Variants in NAV2 observed in about 807,000 individuals in gnomAD.
The protein encoded by NAV2 is helicase, APC down-regulated 1.
A neutral mutation model predicts 223.2 loss-of-function variants in NAV2; 54 were observed. That is an observed-to-expected ratio of 0.24 (90% CI 0.19 to 0.30). The LOEUF (loss-of-function observed/expected upper bound fraction) is 0.30. Among genes scored for constraint, NAV2 ranks in the 10% least tolerant of loss-of-function variants. NAV2 has a pLI of 1.00. For synonymous variants in NAV2, 1,279 were observed against 1,239.3 expected (o/e 1.03, Z -0.67); for missense variants, 2,806 against 3,147.5 (o/e 0.89, Z 2.60).
chr11:19,878,353 C>T (rs2062986349), intron 4 of NAV2, among the ~76,000 whole-genome samples: 1 of 152,204 alleles, frequency 6.6e-6, no homozygotes, highest in African/African-American at 2.4e-5. Context: ...TGAAGGACTT[C>T]ACTGTTTAAA....
At chr11:19,964,257 C>G (rs898057806) in intron 10 of NAV2, among the ~76,000 whole-genome samples, 7 of 152,130 alleles carry the variant, frequency 4.6e-5, no homozygotes, top group Non-Finnish European at 7.3e-5. Context: ...ACGGACGTTA[C>G]AGTTGACTAA....
chr11:20,116,498 C>T (rs925637016), intron 37 of NAV2, among the ~76,000 whole-genome samples: 11 of 152,216 alleles, frequency 7.2e-5, no homozygotes, highest in African/African-American at 2.7e-4. Context: ...AAGCCAAAGT[C>T]ACGGAGGTAT....
chr11:20,018,197 T>C (rs143178786), intron 11 of NAV2, among the ~76,000 whole-genome samples: 8 of 151,746 alleles, frequency 5.3e-5, no homozygotes, highest in Non-Finnish European at 1.0e-4. Flanking sequence ...CTACTAAAAA[T>C]ACAAAAATTA....
chr11:19,719,368 C>T (rs956108768), intron 1 of NAV2, among the ~76,000 whole-genome samples: 1 of 152,128 alleles, frequency 6.6e-6, no homozygotes, highest in Non-Finnish European at 1.5e-5. Context: ...CACTTGGAGG[C>T]AGTTTTACGT....
At chr11:19,630,498 A>C (rs1281357513) in intron 1 of NAV2, among the ~76,000 whole-genome samples, 2 of 152,212 alleles carry the variant, frequency 1.3e-5, no homozygotes, top group African/African-American at 4.8e-5. Context: ...AAGGGAAAGA[A>C]GACAATTGTT....
chr11:19,630,544 C>A (rs776267528), intron 1 of NAV2, among the ~76,000 whole-genome samples: 47 of 152,100 alleles, frequency 3.1e-4, no homozygotes, highest in Admixed American at 5.2e-4. Context: ...CAGATTGCTC[C>A]TTCTTGCTCT....
intron 1 of NAV2, among the ~76,000 whole-genome samples, chr11:19,490,321 A>G (rs1271333790): frequency 6.6e-6 from 1 of 152,204 alleles, no homozygotes. Context: ...ATTTCTCTGT[A>G]GCATGTGATG....
intron 1 of NAV2, among the ~76,000 whole-genome samples, chr11:19,658,804 G>C (rs2048195062): frequency 6.6e-6 from 1 of 152,122 alleles, no homozygotes; most frequent in South Asian, 2.1e-4. Flanking sequence ...TACAAAGCAG[G>C]GGTTATTTTT....
In NAV2 at chr11:20,103,246, C is replaced by T. The variant is rs1295440248; in HGVS notation, c.6418-9C>T. ...ACTTGTTCTCCTTCGGCCTTCCTGG[C>T]CACCATAGGAATTGCGCCAGTACCT... On this transcript the variant is annotated splice_polypyrimidine_tract_variant and intron_variant, in intron 32 of 37. Coordinates refer to ENST00000349880, the MANE Select transcript of NAV2 (RefSeq NM_145117.5). 8.7e-6 allele frequency: 14 copies of T among 1,607,942 alleles called. No individual in the cohort carries two copies. The highest frequency in any genetic ancestry group is 1.7e-4 in the Middle Eastern group (1 of 6,028).
rs186786395 is a variant in NAV2, at chr11:19,637,501, G to T, written c.76-194983G>T. ...CAGTCCATTCTTGCATTGCTATAAA[G>T]AAATAACTGAGGCTGGCTAATTTAT... On this transcript the variant is annotated intron_variant, in intron 1 of 37. Transcript: ENST00000360655. Among the ~76,000 whole-genome samples the T allele has an allele frequency of 2.0e-5, 3 of 152,332 alleles. No individual in the cohort carries two copies. In the East Asian group the frequency reaches 5.8e-4, roughly 29 times the overall value.
At chr11:19,869,071 T>A in intron 4 of NAV2, 74 bp downstream of exon 4, 2 of 1,381,974 alleles carry the variant, frequency 1.4e-6, no homozygotes, top group Non-Finnish European at 2.0e-6. Flanking sequence ...TGAATGATAT[T>A]AACACCATTA....
chr11:19,887,506 G>T (rs1318424660), intron 5 of NAV2, among the ~76,000 whole-genome samples: 1 of 152,086 alleles, frequency 6.6e-6, no homozygotes, highest in Non-Finnish European at 1.5e-5. Context: ...GTCAAATGGG[G>T]TAGTCTTGCC....
intron 1 of NAV2, among the ~76,000 whole-genome samples, chr11:19,571,135 A>G (rs1210651169): frequency 1.3e-5 from 2 of 152,260 alleles, no homozygotes; most frequent in Non-Finnish European, 2.9e-5. Context: ...CAAATGCCAC[A>G]ACATGGATGA....
At chr11:19,612,953 G>C (rs947665072) in intron 1 of NAV2, among the ~76,000 whole-genome samples, 1 of 152,182 alleles carries the variant, frequency 6.6e-6, no homozygotes, top group Non-Finnish European at 1.5e-5. Flanking sequence ...GGTTTAATTG[G>C]ACTTATAGTT....
intron 11 of NAV2, among the ~76,000 whole-genome samples, chr11:20,020,558 T>C (rs1331604279): frequency 4.6e-5 from 7 of 152,336 alleles, no homozygotes; most frequent in African/African-American, 1.7e-4. Context: ...AACCTGTAGC[T>C]GCAAATAATT....
intron 1 of NAV2, among the ~76,000 whole-genome samples, chr11:19,731,083 G>A (rs1590211559): frequency 6.6e-6 from 1 of 152,312 alleles, no homozygotes; most frequent in Admixed American, 6.5e-5. Context: ...TGCTAGATCT[G>A]ATGACCCTAC....
At chr11:19,821,726 T>A (rs2059391464) in intron 1 of NAV2, among the ~76,000 whole-genome samples, 1 of 152,206 alleles carries the variant, frequency 6.6e-6, no homozygotes. Flanking sequence ...TGGGAAAGTG[T>A]CAGCTCCCCT....
At chr11:19,525,421 T>C (rs1277848302) in intron 1 of NAV2, among the ~76,000 whole-genome samples, 1 of 152,172 alleles carries the variant, frequency 6.6e-6, no homozygotes, top group Admixed American at 6.5e-5. Flanking sequence ...CCACCAAACT[T>C]GGTCTGAGTG....
chr11:19,504,598 C>T (rs536056987), intron 1 of NAV2, among the ~76,000 whole-genome samples: 6 of 152,266 alleles, frequency 3.9e-5, no homozygotes, highest in South Asian at 2.1e-4. Context: ...CTGAGAGATA[C>T]GCTTCAGGGA....
Sources: allele counts gnomAD v4.1 joint callset (sites outside exome capture counted in the v4.1 genomes callset), GRCh38; gene constraint gnomAD v4.1.1; transcripts MANE v1.5; gene names NCBI Gene and HGNC (gene_info 2026-07-23, HGNC 2026-07-21).